SDHA: variants seen among roughly 807,000 people sequenced by gnomAD.
SDHA encodes succinate dehydrogenase [ubiquinone] flavoprotein subunit, mitochondrial.
SDHA carries 48 observed loss-of-function variants against 78.4 expected under a neutral mutation model. The observed-to-expected ratio is 0.61, with a 90% CI of 0.49 to 0.78. The LOEUF (loss-of-function observed/expected upper bound fraction) is 0.78. Among genes scored for constraint, SDHA ranks in the 30% least tolerant of loss-of-function variants. The probability of loss-of-function intolerance (pLI) is 0.00; values close to 1 mark genes in which losing one functional copy is unlikely to be tolerated. For missense variants in SDHA, 680 were observed against 892.7 expected (o/e 0.76, Z 3.04); for synonymous variants, 326 against 353.9 (o/e 0.92, Z 0.88).
the SDHA span, among the ~76,000 whole-genome samples, chr5:262,949 T>G: frequency 4.6e-5 from 7 of 152,202 alleles, no homozygotes; most frequent in Non-Finnish European, 7.3e-5. Context: ...TTTGTTTTTT[T>G]TCTTGGTAGA....
intron 2 of SDHA, among the ~76,000 whole-genome samples, chr5:223,820 ATAAAT>A (rs1450208424): frequency 1.3e-5 from 2 of 152,230 alleles, no homozygotes; most frequent in South Asian, 2.1e-4. Context: ...AAGTAAAGCA[ATAAAT>A]TAAAATAAAA....
intron 5 of SDHA, among the ~76,000 whole-genome samples, chr5:226,737 C>T: frequency 6.6e-6 from 1 of 151,752 alleles, no homozygotes; most frequent in Admixed American, 6.6e-5. Context: ...GGCCATCTTG[C>T]CTAACACTGT....
In SDHA at chr5:256,700, A is replaced by G. The variant is rs1050839800; in HGVS notation, c.*280A>G. On this transcript the variant is annotated 3_prime_UTR_variant, in exon 15 of 15. Coordinates refer to ENST00000264932, the MANE Select transcript of SDHA (RefSeq NM_004168.4). Reference sequence around the variant, plus strand: ...TGAACAAACTTTCTTTTATTTCCAAATCCATTTGAAATATTTTACTGTTGT... The same window carrying G: ...TGAACAAACTTTCTTTTATTTCCAAGTCCATTTGAAATATTTTACTGTTGT... The G allele has an allele frequency of 4.6e-6, 2 of 430,818 alleles. No individual in the cohort carries two copies. Among genetic ancestry groups the G allele is most frequent in the African/African-American group, 4.0e-5 (2 of 50,600 alleles). The allele number at this position is 430,818 out of a possible 1,614,324, so 26.7% of individuals were successfully genotyped here. A position where few individuals can be genotyped will look rare whatever the true frequency, so the allele number is the denominator to read the frequency against.
Position 251,033 on chromosome 5 carries a change from G to A in SDHA, c.1593G>A (p.Val531=), listed in dbSNP as rs2126632110. The A allele has an allele frequency of 6.2e-7, 1 of 1,612,046 alleles. No homozygotes were observed. Among genetic ancestry groups the A allele is most frequent in the Non-Finnish European group, 8.5e-7 (1 of 1,179,856 alleles). ...NHAAVFRVGS[V]LQEGCGKISK... is the part of the protein sequence containing the mutation. ...CTGCCGTGTTCCGTGTGGGAAGCGT[G>A]TTGCAAGAAGGTTGTGGGAAAATCA... Residue 531 remains valine (V), a synonymous_variant, in exon 12 of 15, where the codon GTG becomes GTA. Coordinates refer to ENST00000264932, the MANE Select transcript of SDHA (RefSeq NM_004168.4).
At chr5:255,080 G>T (rs1336634987) in intron 14 of SDHA, among the ~76,000 whole-genome samples, 1 of 149,118 alleles carries the variant, frequency 6.7e-6, no homozygotes, top group African/African-American at 2.5e-5. Context: ...GTAGGGGGTC[G>T]CAGCCTTTTT....
chr5:221,902 T>TG (rs1302537259), intron 1 of SDHA, among the ~76,000 whole-genome samples: 4 of 151,798 alleles, frequency 2.6e-5, no homozygotes, highest in Non-Finnish European at 5.9e-5. Flanking sequence ...GTGTGTGTGG[T>TG]GGGGGGTGGG....
chr5:242,405 G>A (rs1736199654), intron 11 of SDHA, among the ~76,000 whole-genome samples: 1 of 152,216 alleles, frequency 6.6e-6, no homozygotes, highest in Non-Finnish European at 1.5e-5. Context: ...TGTGCCTTAA[G>A]GACATGTTCC....
chr5:258,827 G>T, downstream of SDHA, among the ~76,000 whole-genome samples: 1 of 79,686 alleles, frequency 1.3e-5, no homozygotes, highest in Non-Finnish European at 2.2e-5. Context: ...TGTGAGCTCC[G>T]CCCCCTGCCA....
intron 9 of SDHA, 24 bp downstream of exon 9, chr5:235,363 A>C: frequency 1.2e-6 from 2 of 1,612,468 alleles, no homozygotes; most frequent in East Asian, 4.5e-5. Context: ...CTCCTCCCCC[A>C]CAGCTGGAAA....
intron 14 of SDHA, among the ~76,000 whole-genome samples, chr5:255,267 G>A (rs1468637533): frequency 5.9e-5 from 9 of 151,710 alleles, no homozygotes; most frequent in Non-Finnish European, 1.0e-4. Context: ...TGTAAGAGTC[G>A]TATAATCACT....
intron 1 of SDHA, among the ~76,000 whole-genome samples, chr5:221,104 C>T (rs1180189837): frequency 1.3e-5 from 2 of 152,070 alleles, no homozygotes; most frequent in Admixed American, 1.3e-4. Context: ...TGAGCCACCA[C>T]GCCCGGCCGA....
downstream of SDHA, among the ~76,000 whole-genome samples, chr5:259,918 G>A (rs368183437): frequency 1.5e-3 from 42 of 28,950 alleles, no homozygotes; most frequent in African/African-American, 6.1e-3. Context: ...TCCGCCTCCC[G>A]TCAGAGCATT....
In SDHA at chr5:256,641, T is replaced by A; in HGVS notation, c.*221T>A. On this transcript the variant is annotated 3_prime_UTR_variant, in exon 15 of 15. Transcript: ENST00000264932. ...CCCTTGCTTCATTCTTGTGAGATGA[T>A]AAAACTGGGCACAGCTCTTAAATAA... 3.6e-6 allele frequency: 2 copies of A among 562,844 alleles called. No individual in the cohort carries two copies. The highest frequency in any genetic ancestry group is 6.3e-6 in the Non-Finnish European group (2 of 315,648). 34.9% of individuals were successfully genotyped at this position (562,844 alleles called of 1,614,324 possible). A position where few individuals can be genotyped will look rare whatever the true frequency, so the allele number is the denominator to read the frequency against.
At chr5:246,437 C>A (rs1050142304) in intron 11 of SDHA, among the ~76,000 whole-genome samples, 6 of 151,708 alleles carry the variant, frequency 4.0e-5, no homozygotes, top group Non-Finnish European at 5.9e-5. Flanking sequence ...AGAGAAGACT[C>A]GAGCTGCGGC....
At chr5:249,483 AG>A (rs1736676380) in intron 11 of SDHA, 1 of 156,002 alleles carries the variant, frequency 6.4e-6, no homozygotes, top group African/African-American at 2.4e-5. Flanking sequence ...TGGCCCACCC[AG>A]GGTGGAAAAC....
chr5:261,388 C>T (rs1579455916), downstream of SDHA, among the ~76,000 whole-genome samples: 1 of 53,480 alleles, frequency 1.9e-5, no homozygotes, highest in East Asian at 3.6e-4. Flanking sequence ...CTCCGCCTCC[C>T]GGCAGAGCAT....
At chr5:254,328 T>G in intron 13 of SDHA, 65 bp from the exon 14 acceptor site, 1 of 1,452,050 alleles carries the variant, frequency 6.9e-7, no homozygotes, top group Non-Finnish European at 9.4e-7. Flanking sequence ...TGTTAATGTC[T>G]GCTGTGTTTT....
chr5:257,390 G>A (rs188207530), downstream of SDHA, among the ~76,000 whole-genome samples: 176 of 144,042 alleles, frequency 1.2e-3, no homozygotes, highest in African/African-American at 3.8e-3. Context: ...TGTGAGCTCC[G>A]CCCCCTGCCA....
downstream of SDHA, among the ~76,000 whole-genome samples, chr5:259,305 CCCCCGCCAGAGCA>C (rs1173914171): frequency 3.9e-4 from 20 of 50,882 alleles, 4 homozygotes; most frequent in African/African-American, 3.8e-4. Flanking sequence ...TGAGCTCCGC[CCCCCGCCAGAGCA>C]TTACCGTGTG....
Sources: gnomAD v4.1 joint callset for allele counts (sites outside exome capture counted in the v4.1 genomes callset) on GRCh38, gnomAD v4.1.1 for gene constraint, MANE v1.5 for transcripts, NCBI Gene and HGNC (gene_info 2026-07-23, HGNC 2026-07-21) for gene names.